DENND5B: variants seen among roughly 807,000 people sequenced by gnomAD.
DENND5B encodes the protein DENN domain containing 5B.
Under a neutral mutation model 140.6 loss-of-function variants are expected in DENND5B, and 34 were observed. That is an observed-to-expected ratio of 0.24 (90% confidence interval 0.18 to 0.32). The LOEUF (loss-of-function observed/expected upper bound fraction) is 0.32. DENND5B is among the 10% of genes least tolerant of loss of function. DENND5B has a pLI of 1.00. For synonymous variants in DENND5B, 551 were observed against 562.1 expected (o/e 0.98, Z 0.28); for missense variants, 1,142 against 1,560.2 (o/e 0.73, Z 4.52).
intron 14 of DENND5B, among the ~76,000 whole-genome samples, chr12:31,407,718 T>C (rs1463399896): frequency 6.6e-6 from 1 of 152,208 alleles, no homozygotes; most frequent in African/African-American, 2.4e-5. Flanking sequence ...ACAGCCATGT[T>C]GAAACCATGA....
Position 31,483,640 on chromosome 12 carries a change from A to G in DENND5B, c.238-3385T>C, listed in dbSNP as rs191126872. ...ATTTTTAGTAGAGATGGGTTTCACTATGTTGGCCAGGCTGGTCTCAAACTC... is the reference window on the plus strand; with the variant it reads ...ATTTTTAGTAGAGATGGGTTTCACTGTGTTGGCCAGGCTGGTCTCAAACTC... On this transcript the variant is annotated intron_variant, in intron 2 of 20. Transcript: ENST00000389082. Among the ~76,000 whole-genome samples, 487 of 151,812 alleles carry G rather than the reference A, an allele frequency of 3.2e-3. 5 individuals carry two copies. The highest frequency in any genetic ancestry group is 0.011 in the African/African-American group (456 of 41,366).
chr12:31,557,993 C>T (rs375345751), intron 1 of DENND5B, among the ~76,000 whole-genome samples: 53 of 152,148 alleles, frequency 3.5e-4, no homozygotes, highest in African/African-American at 1.3e-3. Flanking sequence ...TTTGAAGCTC[C>T]GGTGAGCTAT....
chr12:31,387,525 T>C lies in DENND5B; in HGVS notation c.*78A>G, dbSNP rs1940903393. ...TTTGGCTGCCCCTGCAGTGACTCAC[T>C]ACTGTCAGACAAGTCCAAATCGGTC... On this transcript the variant is annotated 3_prime_UTR_variant, in exon 21 of 21. Transcript: ENST00000389082. 3.3e-6 allele frequency: 5 copies of C among 1,492,792 alleles called. No homozygotes were observed. In the South Asian group the frequency reaches 5.2e-5, roughly 15 times the overall value. The allele number at this position is 1,492,792 out of a possible 1,614,324, so 92.5% of individuals were successfully genotyped here.
Position 31,479,792 on chromosome 12 carries a change from T to C in DENND5B, c.701A>G (p.Tyr234Cys). Residue 234 changes from tyrosine to cysteine, a missense_variant, in exon 3 of 21, where the codon TAT becomes TGT. Tyr to Cys is a radical substitution (Grantham distance 194). This residue lies in a region of DENND5B where 708 missense variants were observed against 905.5 expected (regional missense o/e 0.78). Transcript: ENST00000389082. ...PLESYIHNIL[Y>C]EVPLPPPGRS... Reference sequence around the variant, plus strand: ...CCCTGGAGGTGGAAGGGGTACTTCATAAAGAATATTGTGGATATAGCTTTC... The same window carrying C: ...CCCTGGAGGTGGAAGGGGTACTTCACAAAGAATATTGTGGATATAGCTTTC... 1.2e-6 allele frequency: 2 copies of C among 1,612,712 alleles called. No homozygotes were observed. The highest frequency in any genetic ancestry group is 2.2e-5 in the South Asian group (2 of 90,764).
chr12:31,464,031 G>C (rs1037308143), intron 3 of DENND5B, among the ~76,000 whole-genome samples: 1 of 152,188 alleles, frequency 6.6e-6, no homozygotes, highest in East Asian at 1.9e-4. Flanking sequence ...ACTGAATCAA[G>C]AAATAAAAGG....
intron 3 of DENND5B, 39 bp downstream of exon 3, chr12:31,479,550 A>G (rs1160535445): frequency 1.4e-6 from 2 of 1,445,572 alleles, no homozygotes; most frequent in East Asian, 4.9e-5. Flanking sequence ...GAGCAAAAGT[A>G]CTTGTTTTTG....
At chr12:31,555,892 T>A (rs999681606) in intron 1 of DENND5B, among the ~76,000 whole-genome samples, 7 of 152,324 alleles carry the variant, frequency 4.6e-5, no homozygotes, top group Non-Finnish European at 1.0e-4. Context: ...TGCCATTTTT[T>A]AAGCCCGTTG....
At chr12:31,541,004 CAGA>C in intron 1 of DENND5B, 3 of 453,156 alleles carry the variant, frequency 6.6e-6, no homozygotes, top group Non-Finnish European at 1.3e-5. Context: ...TATCTTTACG[CAGA>C]AGAATGAAGG....
intron 1 of DENND5B, among the ~76,000 whole-genome samples, chr12:31,556,480 G>C (rs1171099175): frequency 6.6e-6 from 1 of 152,140 alleles, no homozygotes; most frequent in African/African-American, 2.4e-5. Flanking sequence ...GGGATTACAG[G>C]CGTGAGCCAC....
chr12:31,583,704 C>CAA (rs748869444), intron 1 of DENND5B, among the ~76,000 whole-genome samples: 4,569 of 151,430 alleles, frequency 0.03, 110 homozygotes, highest in Non-Finnish European at 0.049. Context: ...AAAACAAAAA[C>CAA]AAACAACAAC....
At chr12:31,396,966 T>C (rs1941509279) in intron 17 of DENND5B, among the ~76,000 whole-genome samples, 1 of 152,156 alleles carries the variant, frequency 6.6e-6, no homozygotes, top group Non-Finnish European at 1.5e-5. Context: ...AAGATCCCTA[T>C]CACATCTGCA....
At chr12:31,501,650 G>A (rs906929639) in intron 1 of DENND5B, among the ~76,000 whole-genome samples, 2 of 151,930 alleles carry the variant, frequency 1.3e-5, no homozygotes, top group Non-Finnish European at 2.9e-5. Flanking sequence ...GTGCATGCCT[G>A]TAGTCCCAGC....
At chr12:31,582,457 T>C (rs1950235707) in intron 1 of DENND5B, among the ~76,000 whole-genome samples, 1 of 152,182 alleles carries the variant, frequency 6.6e-6, no homozygotes, top group South Asian at 2.1e-4. Flanking sequence ...TAATGACAAA[T>C]TATTTATGCT....
In DENND5B at chr12:31,415,379, A is replaced by G. The variant is rs369894487; in HGVS notation, c.2540T>C (p.Ile847Thr). 6.2e-6 allele frequency: 10 copies of G among 1,609,262 alleles called. No individual in the cohort carries two copies. The African/African-American group carries it at 1.3e-4, about 21-fold the overall frequency. Residue 847 changes from isoleucine to threonine, a missense_variant, in exon 12 of 21, where the codon ATT becomes ACT. This residue lies in a region of DENND5B where 268 missense variants were observed against 349.2 expected (regional missense o/e 0.77). Transcript: ENST00000389082. ...VMLPTLRVSL[I>T]QDMRHIQNMS... ...TAATAACAAATACCTCATGTCCTGA[A>G]TAAGAGAGACCCTGAGCGTTGGCAA...
At chr12:31,434,808 G>A (rs550355562) in intron 7 of DENND5B, among the ~76,000 whole-genome samples, 25 of 152,148 alleles carry the variant, frequency 1.6e-4, no homozygotes, top group South Asian at 1.0e-3. Context: ...AGCTTTAGAC[G>A]CAACCAGGAC....
chr12:31,481,498 G>C (rs537489993), intron 2 of DENND5B, among the ~76,000 whole-genome samples: 83 of 152,250 alleles, frequency 5.5e-4, no homozygotes, highest in African/African-American at 1.8e-3. Context: ...TATAATAGTA[G>C]GAAGACACAC....
chr12:31,588,685 G>A (rs1950490513), intron 1 of DENND5B, among the ~76,000 whole-genome samples: 2 of 152,024 alleles, frequency 1.3e-5, no homozygotes, highest in African/African-American at 4.8e-5. Flanking sequence ...TTGGTGTGGG[G>A]GACACTCTAG....
At chr12:31,565,256 T>C (rs1259410) in intron 1 of DENND5B, among the ~76,000 whole-genome samples, 11,837 of 152,020 alleles carry the variant, frequency 0.078, 1,049 homozygotes, top group African/African-American at 0.22. Flanking sequence ...CAGCTAGGTG[T>C]GCCGGCACAC....
At chr12:31,445,904 G>C (rs2138029419) in intron 6 of DENND5B, among the ~76,000 whole-genome samples, 1 of 151,256 alleles carries the variant, frequency 6.6e-6, no homozygotes, top group African/African-American at 2.4e-5. Flanking sequence ...AGTTCCCCAG[G>C]AGGCTGTGGT....
Sources: allele counts gnomAD v4.1 joint callset (sites outside exome capture counted in the v4.1 genomes callset), GRCh38; gene constraint gnomAD v4.1.1; regional missense constraint gnomAD v4.1.1; transcripts MANE v1.5; gene names NCBI Gene and HGNC (gene_info 2026-07-23, HGNC 2026-07-21).